The following SLC1A2 variants were observed in gnomAD, a reference collection of about 807,000 sequenced individuals.
SLC1A2 encodes the protein solute carrier family 1 member 2, also known as excitatory amino acid transporter 2.
Under a neutral mutation model 48.8 loss-of-function variants are expected in SLC1A2, and 15 were observed. That is an observed-to-expected ratio of 0.31 (90% confidence interval 0.21 to 0.47). The LOEUF (loss-of-function observed/expected upper bound fraction) is 0.47, where lower values mean the gene tolerates loss of function less well. Ranked by LOEUF, SLC1A2 falls within the 20% of genes least tolerant of loss-of-function variation. The pLI, the probability that SLC1A2 is intolerant of heterozygous loss-of-function variation, is 0.99. For synonymous variants in SLC1A2, 279 were observed against 272.6 expected, an observed-to-expected ratio of 1.02 and a Z score of -0.23; for missense variants, 502 against 730.5, an observed-to-expected ratio of 0.69 and a Z score of 3.61.
intron 6 of SLC1A2, among the ~76,000 whole-genome samples, chr11:35,294,173 AT>A (rs1851098942): frequency 1.3e-5 from 2 of 152,180 alleles, no homozygotes; most frequent in South Asian, 4.1e-4. Flanking sequence ...GGGATACCCA[AT>A]TGCAAGATGA....
chr11:35,322,911 C>T, intron 1 of SLC1A2: 1 of 615,828 alleles, frequency 1.6e-6, no homozygotes, highest in Non-Finnish European at 2.9e-6. Context: ...GCATTTCCAA[C>T]AGCCTGCAAA....
chr11:35,260,660 C>T lies in SLC1A2; in HGVS notation c.*234G>A. 1 of 498,256 alleles carries T rather than the reference C, an allele frequency of 2.0e-6. No homozygotes were observed. Among genetic ancestry groups the T allele is most frequent in the Non-Finnish European group, 3.6e-6 (1 of 277,420 alleles). The allele number at this position is 498,256 out of a possible 1,614,324, so 30.9% of individuals were successfully genotyped here. A position where few individuals can be genotyped will look rare whatever the true frequency, so the allele number is the denominator to read the frequency against. ...ACTGATTCCTCCAGCAGCATCCATTCAAATAATAATACAAGTGAGAAAATT... is the reference window on the plus strand; with the variant it reads ...ACTGATTCCTCCAGCAGCATCCATTTAAATAATAATACAAGTGAGAAAATT... On this transcript the variant is annotated 3_prime_UTR_variant, in exon 11 of 11. Transcript: ENST00000278379.
chr11:35,415,933 C>T lies in SLC1A2; in HGVS notation c.17+3017G>A, dbSNP rs550238824. 4.6e-5 allele frequency among the ~76,000 whole-genome samples: 7 copies of T among 152,336 alleles called. No individual in the cohort carries two copies. The South Asian group carries it at 8.3e-4, about 18-fold the overall frequency. The stretch of plus-strand genomic sequence containing the variant: ...TAATGGACACTAGCCTGGCTGCCAC[C>T]AACTACTTATAATCTCTTTCCAATT... On this transcript the variant is annotated intron_variant, in intron 1 of 10. Transcript: ENST00000278379.
rs138951061 is a variant in SLC1A2 at position 35,354,659 on chromosome 11, C to T, written c.18-37143G>A. ...ACAAAGAATTATTTTGACCCAAATG[C>T]CAATAGGGCCGAGGTCGAGAAACCC... On this transcript the variant is annotated intron_variant, in intron 1 of 10. Transcript: ENST00000278379. Among the ~76,000 whole-genome samples, 60 of 152,144 alleles carry T rather than the reference C, an allele frequency of 3.9e-4. No individual in the cohort carries two copies. The East Asian group carries it at 8.0e-3, about 20-fold the overall frequency.
chr11:35,408,246 C>A (rs10742345), intron 1 of SLC1A2, among the ~76,000 whole-genome samples: 104,152 of 151,436 alleles, frequency 0.69, 36,344 homozygotes, highest in African/African-American at 0.8. Flanking sequence ...AATCTCCCAC[C>A]TAAACTATTG....
At chr11:35,370,507 C>T (rs1039326703) in intron 1 of SLC1A2, among the ~76,000 whole-genome samples, 2 of 152,292 alleles carry the variant, frequency 1.3e-5, no homozygotes, top group Admixed American at 6.5e-5. Flanking sequence ...AACTGTGCCT[C>T]ACCAAGAGAA....
chr11:35,280,044 CACCTGTGCAT>C (rs965789444), intron 9 of SLC1A2, among the ~76,000 whole-genome samples: 3 of 152,214 alleles, frequency 2.0e-5, no homozygotes, highest in African/African-American at 7.2e-5. Flanking sequence ...CAAATGTAGA[CACCTGTGCAT>C]ACCTGTGCAT....
intron 1 of SLC1A2, among the ~76,000 whole-genome samples, chr11:35,346,735 G>A (rs1311408505): frequency 1.3e-5 from 2 of 152,254 alleles, no homozygotes; most frequent in Non-Finnish European, 2.9e-5. Flanking sequence ...TCATAAAGAA[G>A]TCAGAAAGGG....
At chr11:35,343,205 G>A (rs939472812) in intron 1 of SLC1A2, among the ~76,000 whole-genome samples, 2 of 152,242 alleles carry the variant, frequency 1.3e-5, no homozygotes, top group Admixed American at 6.5e-5. Flanking sequence ...CATAGGCTAG[G>A]GGCTGATAAA....
At chr11:35,334,220 A>G (rs1300015890) in intron 1 of SLC1A2, among the ~76,000 whole-genome samples, 1 of 152,110 alleles carries the variant, frequency 6.6e-6, no homozygotes, top group African/African-American at 2.4e-5. Flanking sequence ...TCAGGCTTCC[A>G]TTGCTGTCTT....
intron 4 of SLC1A2, among the ~76,000 whole-genome samples, chr11:35,310,755 T>C (rs1330967469): frequency 6.6e-6 from 1 of 152,114 alleles, no homozygotes. Flanking sequence ...ATGCTGGCCT[T>C]GGGGCTAGAA....
At chr11:35,288,156 G>A (rs1455762417) in intron 7 of SLC1A2, among the ~76,000 whole-genome samples, 1 of 152,074 alleles carries the variant, frequency 6.6e-6, no homozygotes, top group Non-Finnish European at 1.5e-5. Context: ...CAGAACCAAC[G>A]AATCAGAAGC....
chr11:35,281,086 T>C, intron 8 of SLC1A2, 85 bp from the exon 9 acceptor site: 1 of 1,437,584 alleles, frequency 7.0e-7, no homozygotes, highest in South Asian at 1.5e-5. Flanking sequence ...CTAATTTTCC[T>C]GCAGCCATAA....
chr11:35,414,166 G>A (rs908402145), intron 1 of SLC1A2, among the ~76,000 whole-genome samples: 70 of 152,124 alleles, frequency 4.6e-4, no homozygotes, highest in African/African-American at 1.4e-3. Context: ...GGTCATATCT[G>A]TTTATCTAAG....
rs1490848574 is a variant in SLC1A2 at position 35,253,457 on chromosome 11, T to A, written c.*7437A>T. On this transcript the variant is annotated 3_prime_UTR_variant, in exon 11 of 11. Coordinates refer to ENST00000278379, the MANE Select transcript of SLC1A2 (RefSeq NM_004171.4). ...TAGGAATGTATGAAACATTCTGATC[T>A]AGGAATAATCCTACTATTAATACCT... 6.6e-6 allele frequency: 1 copy of A among 152,614 alleles called. No individual in the cohort carries two copies. The allele number at this position is 152,614 out of a possible 1,614,324, so 9.5% of individuals were successfully genotyped here.
At chr11:35,378,539 T>C (rs1422011574) in intron 1 of SLC1A2, among the ~76,000 whole-genome samples, 5 of 152,228 alleles carry the variant, frequency 3.3e-5, no homozygotes, top group Non-Finnish European at 7.3e-5. Context: ...TCTTTAGGAA[T>C]AACTGAAAAT....
chr11:35,284,504 CT>C (rs1850749737), intron 8 of SLC1A2, among the ~76,000 whole-genome samples: 1 of 151,758 alleles, frequency 6.6e-6, no homozygotes, highest in African/African-American at 2.4e-5. Context: ...TACATTCTAG[CT>C]GATTAAATAA....
intron 1 of SLC1A2, among the ~76,000 whole-genome samples, chr11:35,357,050 T>C (rs2135111323): frequency 1.3e-5 from 2 of 151,806 alleles, no homozygotes; most frequent in South Asian, 4.2e-4. Flanking sequence ...GACCATCCTA[T>C]CTAACATGGT....
intron 4 of SLC1A2, among the ~76,000 whole-genome samples, chr11:35,307,650 C>T (rs1591453336): frequency 6.6e-6 from 1 of 152,182 alleles, no homozygotes; most frequent in Non-Finnish European, 1.5e-5. Flanking sequence ...ACTTGTTGGA[C>T]GTCATGGAGT....
Sources: allele counts gnomAD v4.1 joint callset (sites outside exome capture counted in the v4.1 genomes callset), GRCh38; gene constraint gnomAD v4.1.1; transcripts MANE v1.5; gene names NCBI Gene and HGNC (gene_info 2026-07-23, HGNC 2026-07-21).